Variants in OVCH1 observed in about 807,000 individuals in gnomAD.
OVCH1 encodes the protein ovochymase-1.
Under a neutral mutation model 138.4 loss-of-function variants are expected in OVCH1, and 139 were observed. The ratio of observed to expected loss-of-function variants is 1.00; its 90% CI spans 0.87 to 1.16. The LOEUF (loss-of-function observed/expected upper bound fraction) is 1.16, where lower values mean the gene tolerates loss of function less well. Ranked by LOEUF, OVCH1 falls within the 50% of genes most tolerant of loss-of-function variation. OVCH1 has a pLI of 0.00. For synonymous variants in OVCH1, 453 were observed against 467.8 expected (o/e 0.97, Z 0.41); for missense variants, 1,367 against 1,357.9 (o/e 1.01, Z -0.11).
chr12:29,427,465 C>T, downstream of OVCH1: 13 of 1,468,688 alleles, frequency 8.9e-6, no homozygotes, highest in Non-Finnish European at 1.1e-5. Context: ...GAGGAGGTCT[C>T]AGGTAAGGTA....
chr12:29,439,372 TCA>T lies in OVCH1; in HGVS notation c.3218_3219del (p.Leu1073GlnfsTer4). ...TGCATGATATATGTGTTAATAAAATTCAGTTTTTCTCTTTTTAATATGTCTTT... is the reference window on the plus strand; with the variant it reads ...TGCATGATATATGTGTTAATAAAATTGTTTTTCTCTTTTTAATATGTCTTT... On this transcript the variant is annotated frameshift_variant, in exon 26 of 28. Transcript: ENST00000318184. LOFTEE classifies it high-confidence loss of function. 1 of 1,575,582 alleles carries T rather than the reference TCA, an allele frequency of 6.3e-7. No homozygotes were observed. The highest frequency in any genetic ancestry group is 8.6e-7 in the Non-Finnish European group (1 of 1,161,498).
chr12:29,447,315 G>T (rs1281989297), intron 22 of OVCH1, among the ~76,000 whole-genome samples: 3 of 151,816 alleles, frequency 2.0e-5, no homozygotes, highest in Non-Finnish European at 4.4e-5. Flanking sequence ...AAAAATAAAA[G>T]CAAAAAAGAA....
chr12:29,489,714 GCT>G lies in OVCH1; in HGVS notation c.606_607del (p.Arg202SerfsTer3). ...CATGCTCTTGAGCACAGTATTACAC[GCT>G]CTGTCATCCATGATGGGAAGTTCCA... is the stretch of plus-strand genomic sequence containing the variant. On this transcript the variant is annotated frameshift_variant, in exon 6 of 28. Transcript: ENST00000318184. LOFTEE classifies it high-confidence loss of function. The G allele has an allele frequency of 6.2e-7, 1 of 1,610,360 alleles. No individual in the cohort carries two copies. Among genetic ancestry groups the G allele is most frequent in the South Asian group, 1.1e-5 (1 of 90,130 alleles).
downstream of OVCH1, among the ~76,000 whole-genome samples, chr12:29,410,823 T>C (rs4369446): frequency 0.56 from 83,158 of 148,706 alleles, 25,376 homozygotes; most frequent in Middle Eastern, 0.78. Context: ...ATCTTTGTGG[T>C]GTTCTCTGTA....
exon 19 of OVCH1, chr12:29,461,863 A>G: frequency 6.2e-7 from 1 of 1,613,762 alleles, no homozygotes; most frequent in South Asian, 1.1e-5. Flanking sequence ...CCTGGCAGAA[A>G]TCTTTCTCTC....
chr12:29,409,156 C>T (rs1838076651), downstream of OVCH1, among the ~76,000 whole-genome samples: 1 of 151,218 alleles, frequency 6.6e-6, no homozygotes, highest in African/African-American at 2.4e-5. Context: ...GTGGTGATAT[C>T]CCCTTTATCA....
In OVCH1 at chr12:29,478,535, C is replaced by T. The variant is rs997818239; in HGVS notation, c.1069+300G>A. On this transcript the variant is annotated intron_variant, in intron 9 of 27. Coordinates refer to ENST00000318184, the Ensembl canonical transcript of OVCH1. ...ATCTGGTTCCTAACTTAGAAAAACACTGAAAAGAATGGTCAGTGTGTTGAT... is the reference window on the plus strand; with the variant it reads ...ATCTGGTTCCTAACTTAGAAAAACATTGAAAAGAATGGTCAGTGTGTTGAT... Among the ~76,000 whole-genome samples the T allele has an allele frequency of 2.6e-5, 4 of 152,164 alleles. No individual in the cohort carries two copies. The South Asian group carries it at 6.2e-4, about 24-fold the overall frequency.
chr12:29,495,211 C>T (rs976468177), intron 4 of OVCH1, 74 bp downstream of exon 4: 139 of 1,365,412 alleles, frequency 1.0e-4, no homozygotes, highest in Non-Finnish European at 1.3e-4. Context: ...GCCACACAGA[C>T]ATTAAAGTTA....
chr12:29,433,161 A>G (rs1209187507), intron 27 of OVCH1, among the ~76,000 whole-genome samples: 1 of 152,038 alleles, frequency 6.6e-6, no homozygotes, highest in African/African-American at 2.4e-5. Context: ...TTTTTTCTTT[A>G]TAACTGATAT....
intron 27 of OVCH1, among the ~76,000 whole-genome samples, chr12:29,431,560 C>T (rs952597425): frequency 6.8e-6 from 1 of 147,088 alleles, no homozygotes; most frequent in Non-Finnish European, 1.5e-5. Flanking sequence ...ACCATTACAA[C>T]ATTTTCCCCC....
At position 29,466,610 on chromosome 12, in the gene OVCH1, G is replaced by A. The variant is rs1047463393; in HGVS notation, c.1857-1391C>T. ...ACTTTTAGGGGAGTGATGACTGGAA[G>A]AGGCACAAGGGCGGCTGCTGGGTAC... On this transcript the variant is annotated intron_variant, in intron 16 of 27. Transcript: ENST00000318184. Among the ~76,000 whole-genome samples the A allele has an allele frequency of 4.6e-5, 7 of 152,188 alleles. No homozygotes were observed. The South Asian group carries it at 6.2e-4, about 13-fold the overall frequency.
chr12:29,453,198 C>G (rs1270845370), intron 21 of OVCH1, among the ~76,000 whole-genome samples: 1 of 152,156 alleles, frequency 6.6e-6, no homozygotes, highest in African/African-American at 2.4e-5. Flanking sequence ...CAAGTCTGCT[C>G]TCTGTCTCAA....
At chr12:29,407,126 G>A in the OVCH1 span, among the ~76,000 whole-genome samples, 521 of 151,692 alleles carry the variant, frequency 3.4e-3, 4 homozygotes, top group Middle Eastern at 0.024. Flanking sequence ...GTCTGTTCAT[G>A]TCCTTCGCCC....
At chr12:29,452,843 A>T (rs1256048559) in intron 21 of OVCH1, among the ~76,000 whole-genome samples, 1 of 152,202 alleles carries the variant, frequency 6.6e-6, no homozygotes, top group Admixed American at 6.6e-5. Context: ...TAAATATGGC[A>T]TGGTCCTAAC....
At chr12:29,421,877 T>C (rs1941109263) in intron 3 of OVCH1, among the ~76,000 whole-genome samples, 1 of 152,128 alleles carries the variant, frequency 6.6e-6, no homozygotes, top group Non-Finnish European at 1.5e-5. Context: ...CAGACATGTA[T>C]TTAAAACAAA....
chr12:29,439,472 A>G, intron 25 of OVCH1: 1 of 1,465,356 alleles, frequency 6.8e-7, no homozygotes, highest in Non-Finnish European at 9.0e-7. Context: ...ACAAACAAAC[A>G]AAAAACAAAA....
chr12:29,496,222 A>G lies in OVCH1; in HGVS notation c.240T>C (p.Asp80=), dbSNP rs73069554. 13,438 of 1,609,520 alleles carry G rather than the reference A, an allele frequency of 8.3e-3. 82 individuals are homozygous for G. The highest frequency in any genetic ancestry group is 9.9e-3 in the Non-Finnish European group (11,711 of 1,178,016). Residue 80 remains aspartate, a synonymous_variant, in exon 3 of 28, where the codon GAT becomes GAC. Coordinates refer to ENST00000318184, the Ensembl canonical transcript of OVCH1. The stretch of plus-strand genomic sequence containing the variant: ...GGCAGTGTGCTGCTGTAACAACCCG[A>G]TCTTCTTGAATCAAGCTTCCTCCAC...
intron 7 of OVCH1, 63 bp downstream of exon 7, chr12:29,487,630 C>T (rs533799322): frequency 3.7e-5 from 53 of 1,422,824 alleles, no homozygotes; most frequent in South Asian, 1.8e-4. Context: ...CTGATAATAT[C>T]GCAACATAGC....
chr12:29,406,505 T>A, the OVCH1 span, among the ~76,000 whole-genome samples: 1 of 135,054 alleles, frequency 7.4e-6, no homozygotes, highest in Non-Finnish European at 1.7e-5. Context: ...CCTTCCTGTG[T>A]CCATATGTTC....
Sources: gnomAD v4.1 joint callset for allele counts (sites outside exome capture counted in the v4.1 genomes callset) on GRCh38, gnomAD v4.1.1 for gene constraint, MANE v1.5 for transcripts, NCBI Gene and HGNC (gene_info 2026-07-23, HGNC 2026-07-21) for gene names.